Variants in WDR37 observed in about 807,000 individuals in gnomAD.
WDR37 encodes the protein WD repeat-containing protein 37.
WDR37 carries 19 observed loss-of-function variants against 62.9 expected under a neutral mutation model. The observed-to-expected ratio is 0.30, with a 90% confidence interval of 0.21 to 0.44. The LOEUF (loss-of-function observed/expected upper bound fraction) is 0.44, where lower values mean the gene tolerates loss of function less well. Ranked by LOEUF, WDR37 falls within the 20% of genes least tolerant of loss-of-function variation. The pLI is 1.00. For missense variants in WDR37, 474 were observed against 657.6 expected, an observed-to-expected ratio of 0.72 and a Z score of 3.05; for synonymous variants, 250 against 260.9, an observed-to-expected ratio of 0.96 and a Z score of 0.40.
At chr10:1,099,449 T>C (rs1834716352) in intron 9 of WDR37, among the ~76,000 whole-genome samples, 1 of 152,384 alleles carries the variant, frequency 6.6e-6, no homozygotes, top group South Asian at 2.1e-4. Context: ...TTTTCTGCTT[T>C]GTGAACATTC....
chr10:1,079,971 A>G (rs1833981586), intron 3 of WDR37, 40 bp from the exon 4 acceptor site: 1 of 1,590,022 alleles, frequency 6.3e-7, no homozygotes, highest in African/African-American at 1.3e-5. Flanking sequence ...CTTAAACATA[A>G]AAACATACTT....
intron 1 of WDR37, among the ~76,000 whole-genome samples, chr10:1,060,026 A>G (rs1159059147): frequency 6.6e-6 from 1 of 151,930 alleles, no homozygotes; most frequent in African/African-American, 2.4e-5. Context: ...TTTAGTAGAG[A>G]CGGGACTTCA....
chr10:1,080,319 C>A, intron 4 of WDR37, 93 bp from the exon 5 acceptor site: 1 of 1,532,336 alleles, frequency 6.5e-7, no homozygotes, highest in Non-Finnish European at 8.9e-7. Context: ...TTCTGGGCCC[C>A]CTTTCTTCCT....
intron 13 of WDR37, among the ~76,000 whole-genome samples, chr10:1,126,565 C>T (rs918315597): frequency 3.3e-5 from 5 of 152,338 alleles, no homozygotes; most frequent in South Asian, 2.1e-4. Flanking sequence ...TTCCCCGAGG[C>T]CTCCTGTGGC....
chr10:1,071,319 A>AG (rs1288947261), intron 1 of WDR37, among the ~76,000 whole-genome samples: 1 of 152,130 alleles, frequency 6.6e-6, no homozygotes, highest in Non-Finnish European at 1.5e-5. Flanking sequence ...TCATGGGAGG[A>AG]GGGATCAGTA....
intron 1 of WDR37, among the ~76,000 whole-genome samples, chr10:1,065,675 C>T (rs763105945): frequency 1.1e-4 from 16 of 152,042 alleles, no homozygotes; most frequent in South Asian, 4.2e-4. Flanking sequence ...TAGAGGGAAA[C>T]GTTTTCAACT....
intron 13 of WDR37, 59 bp downstream of exon 13, chr10:1,125,083 T>C: frequency 6.3e-7 from 1 of 1,576,272 alleles, no homozygotes; most frequent in South Asian, 1.2e-5. Flanking sequence ...GGTAGAGATA[T>C]TTTACATTCT....
intron 7 of WDR37, among the ~76,000 whole-genome samples, chr10:1,090,601 A>G (rs1035862062): frequency 2.7e-4 from 40 of 150,860 alleles, no homozygotes; most frequent in Non-Finnish European, 4.7e-4. Flanking sequence ...TCTGAGCACA[A>G]TGCCCAACAG....
rs550450076 is a variant in WDR37 at position 1,121,316 on chromosome 10, G to T, written c.1104-2902G>T. 9.2e-5 allele frequency among the ~76,000 whole-genome samples: 14 copies of T among 152,116 alleles called. No homozygotes were observed. The highest frequency in any genetic ancestry group is 1.9e-4 in the Non-Finnish European group (13 of 68,026). On this transcript the variant is annotated intron_variant, in intron 11 of 13. Coordinates refer to ENST00000263150, the MANE Select transcript of WDR37 (RefSeq NM_014023.4). The surrounding 1 kb of genome is among the most constrained non-coding windows in gnomAD (Gnocchi z 4.5). ...GAAACTTAACTTGGCCAAACCTCCT[G>T]AAGACTCCAGTTCAAAGAGAAGTTG...
At chr10:1,061,065 T>C (rs1833356974) in intron 1 of WDR37, among the ~76,000 whole-genome samples, 1 of 152,202 alleles carries the variant, frequency 6.6e-6, no homozygotes. Context: ...TATGACTGTG[T>C]TGAAAGGCTC....
At chr10:1,062,683 A>G (rs1461732263) in intron 1 of WDR37, among the ~76,000 whole-genome samples, 2 of 152,242 alleles carry the variant, frequency 1.3e-5, no homozygotes, top group Non-Finnish European at 2.9e-5. Flanking sequence ...CACATATGCA[A>G]TTTGAGAATA....
chr10:1,090,245 G>A (rs1039541466), intron 7 of WDR37, among the ~76,000 whole-genome samples: 2 of 151,992 alleles, frequency 1.3e-5, no homozygotes, highest in South Asian at 2.1e-4. Flanking sequence ...TGCAACTTCC[G>A]CATCCCTGGT....
intron 1 of WDR37, among the ~76,000 whole-genome samples, chr10:1,057,621 C>T (rs557623871): frequency 6.6e-6 from 1 of 152,336 alleles, no homozygotes; most frequent in African/African-American, 2.4e-5. Context: ...TTTAAGACAG[C>T]TGTTCACCGG....
intron 9 of WDR37, among the ~76,000 whole-genome samples, chr10:1,098,687 A>T (rs1015899624): frequency 2.6e-5 from 4 of 152,168 alleles, no homozygotes; most frequent in African/African-American, 9.7e-5. Context: ...GGTGCCACAC[A>T]CCGGAAGAGG....
chr10:1,112,278 C>T (rs148422835), intron 11 of WDR37, among the ~76,000 whole-genome samples: 1 of 152,304 alleles, frequency 6.6e-6, no homozygotes, highest in Non-Finnish European at 1.5e-5. Flanking sequence ...TTTGCTGTAA[C>T]TGTTATAATT....
rs1017995498 is a variant in WDR37 at position 1,121,376 on chromosome 10, C to T, written c.1104-2842C>T. ...CTCCTCTCATTCTTCCAGGCTCCCCCAGCAGCCGAAGTCCTCTAAGCCTCA... is the reference window on the plus strand; with the variant it reads ...CTCCTCTCATTCTTCCAGGCTCCCCTAGCAGCCGAAGTCCTCTAAGCCTCA... On this transcript the variant is annotated intron_variant, in intron 11 of 13. Coordinates refer to ENST00000263150, the MANE Select transcript of WDR37 (RefSeq NM_014023.4). This position sits in a 1 kb window ranked among gnomAD's most constrained non-coding sequence, Gnocchi z 4.5. 1.3e-5 allele frequency among the ~76,000 whole-genome samples: 2 copies of T among 152,196 alleles called. No homozygotes were observed. Among genetic ancestry groups the T allele is most frequent in the African/African-American group, 4.8e-5 (2 of 41,456 alleles).
chr10:1,126,284 T>C (rs1172690684), intron 13 of WDR37, among the ~76,000 whole-genome samples: 3 of 151,558 alleles, frequency 2.0e-5, no homozygotes, highest in Non-Finnish European at 2.9e-5. Flanking sequence ...CGGGCGTCTG[T>C]AGTCCCAGCT....
At chr10:1,083,503 C>A (rs1427927561) in intron 5 of WDR37, among the ~76,000 whole-genome samples, 1 of 152,160 alleles carries the variant, frequency 6.6e-6, no homozygotes, top group Non-Finnish European at 1.5e-5. Context: ...GATTTTAGTT[C>A]TTCACTTAGT....
intron 1 of WDR37, among the ~76,000 whole-genome samples, chr10:1,059,659 G>A (rs927500725): frequency 1.3e-5 from 2 of 151,688 alleles, no homozygotes; most frequent in African/African-American, 2.4e-5. Context: ...TTAGCCAGGC[G>A]TGGTGGTGGG....
Sources: allele counts gnomAD v4.1 joint callset (sites outside exome capture counted in the v4.1 genomes callset), GRCh38; gene constraint gnomAD v4.1.1; non-coding constraint Gnocchi (gnomAD v3.1); transcripts MANE v1.5; gene names NCBI Gene and HGNC (gene_info 2026-07-23, HGNC 2026-07-21).